The following PAPPA2 variants were observed in gnomAD, a reference collection of about 807,000 sequenced individuals.
PAPPA2 encodes pappalysin-2.
PAPPA2 carries 86 observed loss-of-function variants against 176.4 expected under a neutral mutation model. That is an observed-to-expected ratio of 0.49 (90% CI 0.41 to 0.58). PAPPA2 has a LOEUF of 0.58. Among genes scored for constraint, PAPPA2 ranks in the 20% least tolerant of loss-of-function variants. The pLI, the probability that PAPPA2 is intolerant of heterozygous loss-of-function variation, is 0.00. For synonymous variants in PAPPA2, 809 were observed against 852.2 expected, an observed-to-expected ratio of 0.95 and a Z score of 0.88; for missense variants, 2,073 against 2,256.9, an observed-to-expected ratio of 0.92 and a Z score of 1.65.
chr1:176,674,654 A>C (rs1659188340), intron 4 of PAPPA2, among the ~76,000 whole-genome samples: 1 of 149,730 alleles, frequency 6.7e-6, no homozygotes, highest in South Asian at 2.1e-4. Flanking sequence ...TTCTTTTTCC[A>C]CTCATTGATT....
intron 1 of PAPPA2, among the ~76,000 whole-genome samples, chr1:176,487,633 A>G (rs756481494): frequency 2.7e-4 from 41 of 152,194 alleles, no homozygotes; most frequent in Non-Finnish European, 5.3e-4. Context: ...TTCACCAAGA[A>G]TTCATTGTCT....
chr1:176,696,980 G>T (rs1325672878), intron 7 of PAPPA2, among the ~76,000 whole-genome samples: 2 of 152,160 alleles, frequency 1.3e-5, no homozygotes, highest in African/African-American at 4.8e-5. Flanking sequence ...AATGGAAAGT[G>T]AGTATAAAAT....
At chr1:176,817,445 C>T (rs1169279331) in intron 21 of PAPPA2, among the ~76,000 whole-genome samples, 2 of 152,056 alleles carry the variant, frequency 1.3e-5, no homozygotes, top group African/African-American at 4.8e-5. Flanking sequence ...CATTTTATCA[C>T]CAGGAAATGA....
At chr1:176,666,723 T>C (rs530270143) in intron 3 of PAPPA2, among the ~76,000 whole-genome samples, 2 of 151,570 alleles carry the variant, frequency 1.3e-5, no homozygotes, top group South Asian at 2.1e-4. Context: ...CTAAGAGTCA[T>C]GAAGATAGGA....
chr1:176,537,808 C>T (rs905749961), intron 1 of PAPPA2, among the ~76,000 whole-genome samples: 1 of 151,650 alleles, frequency 6.6e-6, no homozygotes, highest in Non-Finnish European at 1.5e-5. Context: ...CCCTGATACT[C>T]AGACCCATAA....
intron 14 of PAPPA2, among the ~76,000 whole-genome samples, chr1:176,740,745 G>A (rs896799386): frequency 1.3e-5 from 2 of 152,280 alleles, no homozygotes; most frequent in Admixed American, 1.3e-4. Flanking sequence ...CTCAGCAGCA[G>A]CTATTGGAGG....
intron 4 of PAPPA2, among the ~76,000 whole-genome samples, chr1:176,686,931 G>A (rs1488512350): frequency 6.6e-6 from 1 of 152,164 alleles, no homozygotes; most frequent in African/African-American, 2.4e-5. Flanking sequence ...CTAGTCCAGA[G>A]GGATAATTTT....
chr1:176,507,177 A>C (rs1416270201), intron 1 of PAPPA2, among the ~76,000 whole-genome samples: 1 of 152,164 alleles, frequency 6.6e-6, no homozygotes, highest in Non-Finnish European at 1.5e-5. Flanking sequence ...GTCAACAAAT[A>C]CATAAAAAAT....
At chr1:176,830,694 A>G (rs1022339924) in intron 21 of PAPPA2, among the ~76,000 whole-genome samples, 1 of 152,222 alleles carries the variant, frequency 6.6e-6, no homozygotes, top group Non-Finnish European at 1.5e-5. Flanking sequence ...TCCCAACATG[A>G]AAGCAAGAAA....
At chr1:176,511,649 G>C (rs188484431) in intron 1 of PAPPA2, among the ~76,000 whole-genome samples, 373 of 152,296 alleles carry the variant, frequency 2.4e-3, no homozygotes, top group African/African-American at 8.3e-3. Context: ...ACGGGGTAAA[G>C]ATGACCCTGA....
chr1:176,563,742 T>C (rs535750002), intron 2 of PAPPA2, among the ~76,000 whole-genome samples: 1 of 152,294 alleles, frequency 6.6e-6, no homozygotes, highest in South Asian at 2.1e-4. Context: ...GCAGGTGCAA[T>C]GTAAGTACGT....
In PAPPA2 at chr1:176,791,409, G is replaced by C; in HGVS notation, c.4947G>C (p.Leu1649=). Reference sequence around the variant, plus strand: ...AGGAGTTTAAGTTGTGTGAGAATCTGCAAGGAGAATGCCCACCACCCCCCT... The same window carrying C: ...AGGAGTTTAAGTTGTGTGAGAATCTCCAAGGAGAATGCCCACCACCCCCCT... ...WTQEFKLCEN[L]QGECPPPPSE... Residue 1649 remains leucine, a synonymous_variant, in exon 19 of 23, where the codon CTG becomes CTC. Transcript: ENST00000367662. The C allele has an allele frequency of 1.9e-6, 3 of 1,612,926 alleles. No individual in the cohort carries two copies. The African/African-American group carries it at 4.0e-5, about 22-fold the overall frequency.
chr1:176,538,030 A>T (rs930984235), intron 1 of PAPPA2, among the ~76,000 whole-genome samples: 4 of 151,982 alleles, frequency 2.6e-5, no homozygotes, highest in African/African-American at 7.3e-5. Flanking sequence ...GAGACCCTGA[A>T]AAGCTTTAAG....
intron 2 of PAPPA2, among the ~76,000 whole-genome samples, chr1:176,586,182 TTGTG>T (rs956817247): frequency 2.0e-4 from 30 of 152,312 alleles, no homozygotes; most frequent in Admixed American, 6.5e-4. Context: ...TATTTCTTTT[TTGTG>T]TGTGTTTGTG....
intron 17 of PAPPA2, among the ~76,000 whole-genome samples, chr1:176,778,509 A>G (rs1485136278): frequency 6.6e-6 from 1 of 152,206 alleles, no homozygotes; most frequent in Non-Finnish European, 1.5e-5. Context: ...ATCCTATCCT[A>G]GGAAGGGAAA....
Position 176,842,650 on chromosome 1 carries a change from G to A in PAPPA2, c.*196G>A. ...TTCATCAAGTAGCCCAAGTAGGAGA[G>A]AATCATAGGCAAAAGTTTCTTTAAA... On this transcript the variant is annotated 3_prime_UTR_variant, in exon 23 of 23. Coordinates refer to ENST00000367662, the MANE Select transcript of PAPPA2 (RefSeq NM_020318.3). 2 of 562,250 alleles carry A rather than the reference G, an allele frequency of 3.6e-6. No individual in the cohort carries two copies. Among genetic ancestry groups the A allele is most frequent in the Non-Finnish European group, 6.3e-6 (2 of 319,714 alleles). 34.8% of individuals were successfully genotyped at this position (562,250 alleles called of 1,614,324 possible).
chr1:176,600,862 G>A (rs1385732139), intron 3 of PAPPA2, among the ~76,000 whole-genome samples: 1 of 152,098 alleles, frequency 6.6e-6, no homozygotes, highest in Admixed American at 6.5e-5. Context: ...GTAGAAAGTG[G>A]GGGACAGACC....
chr1:176,477,124 A>G (rs1287875648), intron 1 of PAPPA2, among the ~76,000 whole-genome samples: 1 of 152,204 alleles, frequency 6.6e-6, no homozygotes, highest in Non-Finnish European at 1.5e-5. Context: ...TCAGTTCTGC[A>G]TGAAAAAGAC....
intron 17 of PAPPA2, among the ~76,000 whole-genome samples, chr1:176,771,733 TTTC>T (rs2102913966): frequency 6.6e-6 from 1 of 152,366 alleles, no homozygotes; most frequent in African/African-American, 2.4e-5. Context: ...ATCTTTCTCC[TTTC>T]TTCTTCCTGA....
Sources: allele counts gnomAD v4.1 joint callset (sites outside exome capture counted in the v4.1 genomes callset), GRCh38; gene constraint gnomAD v4.1.1; transcripts MANE v1.5; gene names NCBI Gene and HGNC (gene_info 2026-07-23, HGNC 2026-07-21).